Variants in SYCP2L observed in about 807,000 individuals in gnomAD.
The protein encoded by SYCP2L is synaptonemal complex protein 2 like, also known as synaptonemal complex protein 2-like.
A neutral mutation model predicts 125.8 loss-of-function variants in SYCP2L; 98 were observed. The observed-to-expected ratio is 0.78, with a 90% CI of 0.66 to 0.92. The LOEUF (loss-of-function observed/expected upper bound fraction) is 0.92. SYCP2L is among the 40% of genes least tolerant of loss of function. The probability of loss-of-function intolerance (pLI) is 0.00; values close to 1 mark genes in which losing one functional copy is unlikely to be tolerated. For synonymous variants in SYCP2L, 317 were observed against 325.4 expected (o/e 0.97, Z 0.28); for missense variants, 842 against 936.4 (o/e 0.90, Z 1.32).
intron 8 of SYCP2L, among the ~76,000 whole-genome samples, chr6:10,904,548 A>C (rs75582390): frequency 0.024 from 3,649 of 152,284 alleles, 78 homozygotes; most frequent in Non-Finnish European, 0.039. Context: ...CACTACTCTT[A>C]GTGGTGTATT....
chr6:10,894,296 C>A, intron 4 of SYCP2L, 92 bp downstream of exon 4: 2 of 1,434,176 alleles, frequency 1.4e-6, no homozygotes, highest in Non-Finnish European at 1.9e-6. Flanking sequence ...ATTTTCTGTT[C>A]CTTTGAAATC....
chr6:10,893,458 A>G (rs1016647143), intron 2 of SYCP2L, among the ~76,000 whole-genome samples: 3 of 152,208 alleles, frequency 2.0e-5, no homozygotes, highest in Non-Finnish European at 4.4e-5. Context: ...GAGTGATCAT[A>G]GGCTTGAAAT....
At chr6:10,910,071 C>A in intron 10 of SYCP2L, 77 bp from the exon 11 acceptor site, 2 of 1,187,414 alleles carry the variant, frequency 1.7e-6, no homozygotes, top group Non-Finnish European at 1.2e-6. Flanking sequence ...CAAACACTGG[C>A]CTCTGTATGC....
chr6:10,907,755 G>A, intron 10 of SYCP2L, 71 bp downstream of exon 10: 1 of 1,529,980 alleles, frequency 6.5e-7, no homozygotes, highest in Admixed American at 1.9e-5. Context: ...ACTTTCCTGT[G>A]CATTGGGCTT....
intron 23 of SYCP2L, among the ~76,000 whole-genome samples, chr6:10,943,022 C>G (rs922575072): frequency 3.9e-5 from 6 of 152,144 alleles, no homozygotes; most frequent in Admixed American, 3.9e-4. Flanking sequence ...CACCTTCTCT[C>G]CAGCCTCAGA....
intron 23 of SYCP2L, among the ~76,000 whole-genome samples, chr6:10,951,830 T>C (rs1581841541): frequency 6.6e-6 from 1 of 152,184 alleles, no homozygotes. Context: ...TAACCATAGG[T>C]CTGGCATTAA....
chr6:10,891,262 T>A (rs534708754), intron 1 of SYCP2L, among the ~76,000 whole-genome samples: 83 of 152,340 alleles, frequency 5.4e-4, no homozygotes, highest in African/African-American at 1.9e-3. Flanking sequence ...AAATGATGTT[T>A]GCTTTGCTTC....
intron 20 of SYCP2L, 111 bp downstream of exon 20, chr6:10,931,600 T>C (rs907670662): frequency 1.2e-5 from 12 of 1,017,504 alleles, no homozygotes; most frequent in African/African-American, 4.8e-5. Context: ...TTTACTGATA[T>C]GTGAATCACC....
rs188906185 is a variant in SYCP2L, at chr6:10,958,642, G to A, written c.2164-142G>A. 356 of 721,220 alleles carry A rather than the reference G, an allele frequency of 4.9e-4. No individual in the cohort carries two copies. In the Middle Eastern group the frequency reaches 5.1e-3, roughly 10 times the overall value. 44.7% of individuals were successfully genotyped at this position (721,220 alleles called of 1,614,324 possible). On this transcript the variant is annotated intron_variant, in intron 25 of 29. Coordinates refer to ENST00000283141, the MANE Select transcript of SYCP2L (RefSeq NM_001040274.3). Reference sequence around the variant, plus strand: ...GTAATACCTGACAGGTGTATAGGATGATGCCTGATCACACTTGCTTAGCAC... The same window carrying A: ...GTAATACCTGACAGGTGTATAGGATAATGCCTGATCACACTTGCTTAGCAC...
Position 10,924,687 on chromosome 6 carries a change from G to A in SYCP2L, c.1218+46G>A, listed in dbSNP as rs372944723. On this transcript the variant is annotated intron_variant, in intron 15 of 29. Transcript: ENST00000283141. ...GGATTATTTAAAAATGTTTTAGTAT[G>A]TTTCATGTCTATTAAATGTCCTTGT... is the stretch of plus-strand genomic sequence containing the variant. 3.5e-6 allele frequency: 5 copies of A among 1,422,794 alleles called. No homozygotes were observed. The African/African-American group carries it at 5.9e-5, about 17-fold the overall frequency. The allele number at this position is 1,422,794 out of a possible 1,614,324, so 88.1% of individuals were successfully genotyped here.
rs141183391 is a variant in SYCP2L at position 10,940,571 on chromosome 6, C to T, written c.1814-1888C>T. On this transcript the variant is annotated intron_variant, in intron 21 of 29. Transcript: ENST00000283141. The stretch of plus-strand genomic sequence containing the variant: ...AGGACATTATAGTAAGTGAAATAAG[C>T]TAGTCACTAAAGGACAAATACTATA... 4.1e-4 allele frequency among the ~76,000 whole-genome samples: 62 copies of T among 152,216 alleles called. 1 individual carries two copies. Among genetic ancestry groups the T allele is most frequent in the African/African-American group, 1.4e-3 (57 of 41,542 alleles).
intron 21 of SYCP2L, among the ~76,000 whole-genome samples, chr6:10,941,810 A>G (rs1781225918): frequency 6.6e-6 from 1 of 152,194 alleles, no homozygotes; most frequent in South Asian, 2.1e-4. Flanking sequence ...CTGGGTATAT[A>G]CCCAAAGGAT....
At chr6:10,897,950 C>A (rs1780286766) in intron 4 of SYCP2L, 61 bp from the exon 5 acceptor site, 1 of 1,075,510 alleles carries the variant, frequency 9.3e-7, no homozygotes, top group African/African-American at 1.6e-5. Flanking sequence ...TTGTCTTGTG[C>A]AATTTTATTG....
intron 19 of SYCP2L, among the ~76,000 whole-genome samples, chr6:10,930,984 G>A (rs886586180): frequency 3.3e-5 from 5 of 152,198 alleles, no homozygotes; most frequent in Non-Finnish European, 5.9e-5. Context: ...ACCAGCCTAG[G>A]CAATGTGGTG....
At chr6:10,910,983 A>G (rs1780596779) in intron 12 of SYCP2L, 114 bp downstream of exon 12, 6 of 1,129,860 alleles carry the variant, frequency 5.3e-6, no homozygotes, top group Non-Finnish European at 8.0e-6. Flanking sequence ...TTTTTAAAAA[A>G]GGATGCCAAC....
chr6:10,898,119 A>C lies in SYCP2L; in HGVS notation c.441+4A>C. 1 of 1,602,978 alleles carries C rather than the reference A, an allele frequency of 6.2e-7. No homozygotes were observed. The highest frequency in any genetic ancestry group is 1.1e-5 in the South Asian group (1 of 90,828). On this transcript the variant is annotated splice_donor_region_variant and intron_variant, in intron 5 of 29. Coordinates refer to ENST00000283141, the MANE Select transcript of SYCP2L (RefSeq NM_001040274.3). ...AGATTTCTTTGACACTGCATTGGTA[A>C]GGATGGGATGGATGCTTCACTGAGC...
chr6:10,893,758 C>G, intron 2 of SYCP2L, 109 bp from the exon 3 acceptor site: 1 of 1,143,854 alleles, frequency 8.7e-7, no homozygotes, highest in Non-Finnish European at 1.2e-6. Flanking sequence ...CTATATTTAC[C>G]CTATATTATT....
In SYCP2L at chr6:10,954,591, T is replaced by C. The variant is rs1229741210; in HGVS notation, c.1955-525T>C. ...TCAGAATAGAAAATATTTAGTGTTA[T>C]GCTGAATTGAAATGGGAATCTATGT... On this transcript the variant is annotated intron_variant, in intron 23 of 29. Coordinates refer to ENST00000283141, the MANE Select transcript of SYCP2L (RefSeq NM_001040274.3). The surrounding 1 kb of genome is among the most constrained non-coding windows in gnomAD (Gnocchi z 4.8). Among the ~76,000 whole-genome samples, 1 of 152,186 alleles carries C rather than the reference T, an allele frequency of 6.6e-6. No homozygotes were observed. Among genetic ancestry groups the C allele is most frequent in the Non-Finnish European group, 1.5e-5 (1 of 68,030 alleles).
intron 29 of SYCP2L, among the ~76,000 whole-genome samples, chr6:10,969,441 A>G (rs1781732972): frequency 6.7e-6 from 1 of 149,778 alleles, no homozygotes; most frequent in Non-Finnish European, 1.5e-5. Flanking sequence ...GCTCACTGCA[A>G]GCTCCGCCTC....
Sources: allele counts gnomAD v4.1 joint callset (sites outside exome capture counted in the v4.1 genomes callset), GRCh38; gene constraint gnomAD v4.1.1; non-coding constraint Gnocchi (gnomAD v3.1); transcripts MANE v1.5; gene names NCBI Gene and HGNC (gene_info 2026-07-23, HGNC 2026-07-21).